The following GGA1 variants were observed in gnomAD, a reference collection of about 807,000 sequenced individuals.
GGA1 encodes ADP-ribosylation factor-binding protein GGA1.
GGA1 carries 18 observed loss-of-function variants against 76.9 expected under a neutral mutation model. The observed-to-expected ratio is 0.23, with a 90% CI of 0.16 to 0.35. The LOEUF is 0.35. Ranked by LOEUF, GGA1 falls within the 10% of genes least tolerant of loss-of-function variation. GGA1 has a pLI of 1.00. For missense variants in GGA1, 755 were observed against 859.0 expected (o/e 0.88, Z 1.51); for synonymous variants, 342 against 354.7 (o/e 0.96, Z 0.40).
Position 37,624,770 on chromosome 22 carries a change from G to GA in GGA1, c.833-198dup. On this transcript the variant is annotated intron_variant, in intron 9 of 16. Transcript: ENST00000343632. This position sits in a 1 kb window ranked among gnomAD's most constrained non-coding sequence, Gnocchi z 4.3. Reference sequence around the variant, plus strand: ...GAGACAGCCCAGGCAGTATGGCAGGGAGTGAATGAGGGAAGGGTGGGAGGT... The same window carrying GA: ...GAGACAGCCCAGGCAGTATGGCAGGGAAGTGAATGAGGGAAGGGTGGGAGGT... 1 of 646,212 alleles carries GA rather than the reference G, an allele frequency of 1.5e-6. No individual in the cohort carries two copies. Among genetic ancestry groups the GA allele is most frequent in the South Asian group, 1.8e-5 (1 of 54,822 alleles). The allele number at this position is 646,212 out of a possible 1,614,324, so 40.0% of individuals were successfully genotyped here.
At position 37,623,966 on chromosome 22, in the gene GGA1, G is replaced by A. The variant is rs985640723; in HGVS notation, c.832+333G>A. 7.2e-6 allele frequency: 2 copies of A among 277,664 alleles called. No homozygotes were observed. The highest frequency in any genetic ancestry group is 8.6e-5 in the East Asian group (1 of 11,694). 17.2% of individuals were successfully genotyped at this position (277,664 alleles called of 1,614,324 possible). On this transcript the variant is annotated intron_variant, in intron 9 of 16. Coordinates refer to ENST00000343632, the MANE Select transcript of GGA1 (RefSeq NM_013365.5). The surrounding 1 kb of genome is among the most constrained non-coding windows in gnomAD (Gnocchi z 4.6). ...AGAGCAGAACAGTGGCAGAGCCAGG[G>A]GAGACGGAGGGCCATCTGCCCCCAG...
At chr22:37,621,072 T>C (rs574388508) in intron 6 of GGA1, among the ~76,000 whole-genome samples, 159 bp downstream of exon 6, 1 of 152,238 alleles carries the variant, frequency 6.6e-6, no homozygotes, top group South Asian at 2.1e-4. Flanking sequence ...GCATTTAATA[T>C]GTGCTGAGTA....
chr22:37,627,441 C>T (rs577354396), intron 11 of GGA1, among the ~76,000 whole-genome samples: 1 of 152,282 alleles, frequency 6.6e-6, no homozygotes, highest in Admixed American at 6.5e-5. Flanking sequence ...CCCATGCAGC[C>T]GCCCCCTCTT....
intron 3 of GGA1, 74 bp from the exon 4 acceptor site, chr22:37,618,374 G>A: frequency 1.2e-6 from 1 of 840,434 alleles, no homozygotes; most frequent in South Asian, 1.4e-5. Context: ...TCTGGCCCCT[G>A]TCCAAGGCGT....
At position 37,633,231 on chromosome 22, in the gene GGA1, C is replaced by T. The variant is rs1364590295; in HGVS notation, c.*520C>T. ...ATTTGCACTCTGGTGTGTGGTTTGA[C>T]TCTGCTTTTCTTCCGGATTGGCCCT... On this transcript the variant is annotated 3_prime_UTR_variant, in exon 17 of 17. Transcript: ENST00000343632. 1 of 153,646 alleles carries T rather than the reference C, an allele frequency of 6.5e-6. No homozygotes were observed. The highest frequency in any genetic ancestry group is 2.4e-5 in the African/African-American group (1 of 41,464). The allele number at this position is 153,646 out of a possible 1,614,324, so 9.5% of individuals were successfully genotyped here. A position where few individuals can be genotyped will look rare whatever the true frequency, so the allele number is the denominator to read the frequency against.
chr22:37,620,399 C>T, intron 5 of GGA1, 38 bp downstream of exon 5: 1 of 1,610,124 alleles, frequency 6.2e-7, no homozygotes, highest in Non-Finnish European at 8.5e-7. Flanking sequence ...CCAGGGCCTG[C>T]CTTCCCCTCC....
chr22:37,611,516 G>A (rs564913556), intron 1 of GGA1, among the ~76,000 whole-genome samples: 6 of 152,196 alleles, frequency 3.9e-5, no homozygotes, highest in Non-Finnish European at 8.8e-5. Flanking sequence ...AGGAGGGCAG[G>A]GATTTTGTCT....
At chr22:37,621,570 CT>C (rs1469570842) in intron 6 of GGA1, 45 bp from the exon 7 acceptor site, 1 of 1,300,500 alleles carries the variant, frequency 7.7e-7, no homozygotes. Flanking sequence ...CTTCTGACCC[CT>C]GGCCCAGGTG....
chr22:37,613,266 A>ATG, intron 1 of GGA1: 2 of 656,482 alleles, frequency 3.0e-6, no homozygotes, highest in Non-Finnish European at 1.9e-6. Context: ...CTGCCCATAC[A>ATG]GCCATGCGTG....
At chr22:37,629,192 C>T (rs1312241095) in intron 11 of GGA1, among the ~76,000 whole-genome samples, 1 of 152,152 alleles carries the variant, frequency 6.6e-6, no homozygotes, top group African/African-American at 2.4e-5. Flanking sequence ...AGATGAAAGT[C>T]CTGATGTCTA....
chr22:37,625,658 G>T lies in GGA1; in HGVS notation c.941-139G>T. On this transcript the variant is annotated intron_variant, in intron 10 of 16. Transcript: ENST00000343632. This position sits in a 1 kb window ranked among gnomAD's most constrained non-coding sequence, Gnocchi z 4.1. ...CCTGTTGAGCAGTTTCCAGGCAGGG[G>T]CTGGTGTGGCCAAGGAAGGGGAGGC... The T allele has an allele frequency of 1.8e-6, 1 of 552,566 alleles. No individual in the cohort carries two copies. Among genetic ancestry groups the T allele is most frequent in the Admixed American group, 3.1e-5 (1 of 32,364 alleles). 34.2% of individuals were successfully genotyped at this position (552,566 alleles called of 1,614,324 possible). A position where few individuals can be genotyped will look rare whatever the true frequency, so the allele number is the denominator to read the frequency against.
chr22:37,610,103 A>G (rs971724894), intron 1 of GGA1: 2 of 152,524 alleles, frequency 1.3e-5, no homozygotes, highest in Admixed American at 6.5e-5. Flanking sequence ...GCCCCTGGCT[A>G]ACTGATCTCA....
rs1931956704 is a variant in GGA1 at position 37,632,248 on chromosome 22, G to GGGCA, written c.1698+86_1698+89dup. The GGGCA allele has an allele frequency of 7.1e-7, 1 of 1,410,826 alleles. No homozygotes were observed. Among genetic ancestry groups the GGGCA allele is most frequent in the Non-Finnish European group, 9.9e-7 (1 of 1,011,442 alleles). 87.4% of individuals were successfully genotyped at this position (1,410,826 alleles called of 1,614,324 possible). On this transcript the variant is annotated intron_variant, in intron 15 of 16. Transcript: ENST00000343632. The surrounding 1 kb of genome is among the most constrained non-coding windows in gnomAD (Gnocchi z 5.1). The stretch of plus-strand genomic sequence containing the variant: ...GCTGGGTGGGGAGCCACCTGTCAGG[G>GGGCA]GGCAGGTCTCCCTCCCTTGCTGGGT...
chr22:37,618,608 C>T lies in GGA1; in HGVS notation c.303+62C>T. ...CGGATGTGGGGAGAGGAAAGAGGAC[C>T]TTCAGATTGTGGAGCGACTTTTCCA... On this transcript the variant is annotated intron_variant, in intron 4 of 16. Transcript: ENST00000343632. 3 of 1,043,942 alleles carry T rather than the reference C, an allele frequency of 2.9e-6. No homozygotes were observed. In the South Asian group the frequency reaches 3.9e-5, roughly 13 times the overall value. 64.7% of individuals were successfully genotyped at this position (1,043,942 alleles called of 1,614,324 possible). A position where few individuals can be genotyped will look rare whatever the true frequency, so the allele number is the denominator to read the frequency against.
intron 7 of GGA1, among the ~76,000 whole-genome samples, chr22:37,622,317 G>A (rs548261573): frequency 1.3e-5 from 2 of 151,570 alleles, no homozygotes; most frequent in South Asian, 4.2e-4. Flanking sequence ...CTGGGCTCAA[G>A]CAATCTGCCT....
In GGA1 at chr22:37,632,469, A is replaced by G. The variant is rs1240101021; in HGVS notation, c.1763A>G (p.His588Arg). The change falls in exon 16 of 17, where the codon CAC (histidine) becomes CGC (arginine). Residue 588 changes from histidine to arginine, a missense_variant. Coordinates refer to ENST00000343632, the MANE Select transcript of GGA1 (RefSeq NM_013365.5). This position sits in a 1 kb window ranked among gnomAD's most constrained non-coding sequence, Gnocchi z 5.1. ...TELPAFNPIV[H>R]PSAITQVLLL... Reference sequence around the variant, plus strand: ...CTGCCAGCTTTTAACCCCATCGTCCACCCCTCAGCAATCACCCAGGTCCTG... The same window carrying G: ...CTGCCAGCTTTTAACCCCATCGTCCGCCCCTCAGCAATCACCCAGGTCCTG... 1.2e-6 allele frequency: 2 copies of G among 1,613,822 alleles called. No homozygotes were observed. Among genetic ancestry groups the G allele is most frequent in the East Asian group, 2.2e-5 (1 of 44,854 alleles).
At chr22:37,626,696 G>C (rs536274941) in intron 11 of GGA1, 1 of 152,416 alleles carries the variant, frequency 6.6e-6, no homozygotes, top group African/African-American at 2.4e-5. Context: ...GCAAAAACCA[G>C]ACCCGAAGGC....
rs150957887 is a variant in GGA1 at position 37,630,094 on chromosome 22, G to A, written c.1255G>A (p.Gly419Ser). Residue 419 changes from glycine (G) to serine (S), a missense_variant, in exon 13 of 17, where the codon GGT becomes AGT. Coordinates refer to ENST00000343632, the MANE Select transcript of GGA1 (RefSeq NM_013365.5). Reference protein sequence around the residue: ...PAQTSLPASSGLDDLDLLGKT... With the variant: ...PAQTSLPASSSLDDLDLLGKT... ...GCAGACATCCCTGCCAGCAAGCAGC[G>A]GTCTGGACGACCTAGACCTCCTGGG... 1.7e-5 allele frequency: 28 copies of A among 1,610,892 alleles called. No individual in the cohort carries two copies. Among genetic ancestry groups the A allele is most frequent in the African/African-American group, 8.0e-5 (6 of 74,698 alleles).
At position 37,623,480 on chromosome 22, in the gene GGA1, C is replaced by T. The variant is rs773508750; in HGVS notation, c.750+13C>T. 1 of 1,613,770 alleles carries T rather than the reference C, an allele frequency of 6.2e-7. No individual in the cohort carries two copies. Among genetic ancestry groups the T allele is most frequent in the Non-Finnish European group, 8.5e-7 (1 of 1,179,776 alleles). On this transcript the variant is annotated intron_variant, in intron 8 of 16. Transcript: ENST00000343632. The surrounding 1 kb of genome is among the most constrained non-coding windows in gnomAD (Gnocchi z 4.6). ...GGACCTCATGAAGGTGCACCTGCCT[C>T]CCTGCCTACCCCACTCCCTGCCCAC...
Sources: allele counts gnomAD v4.1 joint callset (sites outside exome capture counted in the v4.1 genomes callset), GRCh38; gene constraint gnomAD v4.1.1; non-coding constraint Gnocchi (gnomAD v3.1); transcripts MANE v1.5; gene names NCBI Gene and HGNC (gene_info 2026-07-23, HGNC 2026-07-21).